The following M6PR variants were observed in gnomAD, a reference collection of about 807,000 sequenced individuals.
M6PR encodes the protein mannose-6-phosphate receptor, cation dependent.
A neutral mutation model predicts 33.1 loss-of-function variants in M6PR; 19 were observed. The ratio of observed to expected loss-of-function variants is 0.57; its 90% confidence interval spans 0.40 to 0.84. The LOEUF is 0.84. Among genes scored for constraint, M6PR ranks in the 40% least tolerant of loss-of-function variants. M6PR has a pLI of 0.00. For missense variants in M6PR, 295 were observed against 336.0 expected (o/e 0.88, Z 0.95); for synonymous variants, 111 against 123.4 (o/e 0.90, Z 0.67).
chr12:8,943,309 T>TAC (rs35591819), intron 5 of M6PR, 96 bp downstream of exon 5: 483,797 of 1,356,132 alleles, frequency 0.36, 91,426 homozygotes, highest in Admixed American at 0.41. Flanking sequence ...CAGCATAATG[T>TAC]ACACATACAA....
intron 1 of M6PR, among the ~76,000 whole-genome samples, chr12:8,948,581 T>C (rs2137176873): frequency 6.6e-6 from 1 of 152,358 alleles, no homozygotes; most frequent in Non-Finnish European, 1.5e-5. Flanking sequence ...ATTCTCAAGG[T>C]ACAAGAGTTT....
Position 8,941,906 on chromosome 12 carries a change from C to T in M6PR, c.746G>A (p.Arg249Gln), listed in dbSNP as rs1215085027. 3.1e-6 allele frequency: 5 copies of T among 1,613,860 alleles called. No homozygotes were observed. Among genetic ancestry groups the T allele is most frequent in the South Asian group, 2.2e-5 (2 of 91,084 alleles). The change falls in exon 7 of 7, where the codon CGA becomes CAA. Residue 249 changes from arginine to glutamine, a missense_variant. Arg to Gln is a conservative substitution (Grantham distance 43). Transcript: ENST00000000412. Reference protein sequence around the residue: ...GCDFVCRSKPRNVPAAYRGVG... With the variant: ...GCDFVCRSKPQNVPAAYRGVG... ...ACCACGATATGCTGCAGGCACATTT[C>T]GAGGTTTAGAACGGCAGACAAAGTC...
intron 1 of M6PR, among the ~76,000 whole-genome samples, chr12:8,948,264 CT>C (rs920524638): frequency 6.6e-6 from 1 of 152,192 alleles, no homozygotes; most frequent in African/African-American, 2.4e-5. Flanking sequence ...AGCTGCTTCT[CT>C]TTAATTCAGT....
At chr12:8,943,983 G>A (rs1482943747) in intron 3 of M6PR, 73 bp from the exon 4 acceptor site, 13 of 928,802 alleles carry the variant, frequency 1.4e-5, no homozygotes, top group Middle Eastern at 2.2e-4. Flanking sequence ...GTATGGCAGA[G>A]TGGAATTGCG....
Position 8,946,232 on chromosome 12 carries a change from T to C in M6PR, c.173A>G (p.Lys58Arg). The change falls in exon 2 of 7, where the codon AAA (lysine) becomes AGA (arginine). Residue 58 changes from lysine (K) to arginine (R), a missense_variant. Transcript: ENST00000000412. ...CTTTAAGGTTCTTCTCATTTACCTTTTATTAAACAGTGGTTTCAGCCTCTT... is the reference window on the plus strand; with the variant it reads ...CTTTAAGGTTCTTCTCATTTACCTTCTATTAAACAGTGGTTTCAGCCTCTT... ...LVKRLKPLFN[K>R]SFESTVGQGS... is the part of the protein sequence containing the mutation. The C allele has an allele frequency of 6.2e-7, 1 of 1,613,344 alleles. No individual in the cohort carries two copies. Among genetic ancestry groups the C allele is most frequent in the Non-Finnish European group, 8.5e-7 (1 of 1,179,574 alleles).
intron 3 of M6PR, 93 bp from the exon 4 acceptor site, chr12:8,944,003 G>T: frequency 1.2e-6 from 1 of 818,740 alleles, no homozygotes; most frequent in Non-Finnish European, 2.1e-6. Context: ...GTAATTCATT[G>T]CAATTGGTTA....
rs989572599 is a variant in M6PR, at chr12:8,941,393, G to A, written c.*425C>T. ...ACTATAGGGTACAGAATAACAACAT[G>A]AAAGCAATCAACCCTGTATAAATAA... On this transcript the variant is annotated 3_prime_UTR_variant, in exon 7 of 7. Transcript: ENST00000000412. 1 of 181,838 alleles carries A rather than the reference G, an allele frequency of 5.5e-6. No individual in the cohort carries two copies. The highest frequency in any genetic ancestry group is 1.2e-5 in the Non-Finnish European group (1 of 85,382). The allele number at this position is 181,838 out of a possible 1,614,324, so 11.3% of individuals were successfully genotyped here.
At chr12:8,942,355 ATGGT>A in intron 6 of M6PR, 57 bp downstream of exon 6, 8 of 1,612,602 alleles carry the variant, frequency 5.0e-6, no homozygotes, top group Non-Finnish European at 6.8e-6. Context: ...ACAAACGAGG[ATGGT>A]TGGTCACCCA....
In M6PR at chr12:8,941,549, G is replaced by A. The variant is rs551454985; in HGVS notation, c.*269C>T. 249 of 334,738 alleles carry A rather than the reference G, an allele frequency of 7.4e-4. No homozygotes were observed. Among genetic ancestry groups the A allele is most frequent in the Non-Finnish European group, 1.1e-3 (209 of 184,174 alleles). 20.7% of individuals were successfully genotyped at this position (334,738 alleles called of 1,614,324 possible). On this transcript the variant is annotated 3_prime_UTR_variant, in exon 7 of 7. Transcript: ENST00000000412. ...CCATATGCCTATTGTAACTTCTGAT[G>A]TCAAGAGACAATGCAAAAGCCTCTG...
intron 1 of M6PR, among the ~76,000 whole-genome samples, chr12:8,947,858 A>G (rs866422473): frequency 3.3e-5 from 5 of 151,312 alleles, no homozygotes; most frequent in Middle Eastern, 3.4e-3. Flanking sequence ...TTCTACTAAG[A>G]AGTGAAGGGG....
At position 8,945,594 on chromosome 12, in the gene M6PR, G is replaced by C. The variant is rs759996881; in HGVS notation, c.177-10C>G. 6.2e-7 allele frequency: 1 copy of C among 1,611,832 alleles called. No homozygotes were observed. The highest frequency in any genetic ancestry group is 8.5e-7 in the Non-Finnish European group (1 of 1,178,568). ...CACAGTGCTCTCAAAGCTGTAAAGA[G>C]AAGTGGGAAGAAAGAAGAGGAGAGT... On this transcript the variant is annotated splice_polypyrimidine_tract_variant and intron_variant, in intron 2 of 6. Transcript: ENST00000000412.
rs143732744 is a variant in M6PR, at chr12:8,941,430, AT to A, written c.*387del. 6.0e-3 allele frequency: 1,076 copies of A among 179,810 alleles called. No individual in the cohort carries two copies. Among genetic ancestry groups the A allele is most frequent in the Middle Eastern group, 0.016 (6 of 370 alleles). The allele number at this position is 179,810 out of a possible 1,614,324, so 11.1% of individuals were successfully genotyped here. A position where few individuals can be genotyped will look rare whatever the true frequency, so the allele number is the denominator to read the frequency against. On this transcript the variant is annotated 3_prime_UTR_variant, in exon 7 of 7. Transcript: ENST00000000412. ...CCCTGTATAAATAATGTTTCTTGGC[AT>A]TTTTTTTTTAATTAAAGAAATCCAG...
chr12:8,942,166 A>C (rs777375948), intron 6 of M6PR: 78 of 687,552 alleles, frequency 1.1e-4, no homozygotes, highest in Non-Finnish European at 1.7e-4. Flanking sequence ...TTAAAAGCTA[A>C]ATCAGATTTA....
chr12:8,942,147 C>T, intron 6 of M6PR: 1 of 687,192 alleles, frequency 1.5e-6, no homozygotes, highest in Non-Finnish European at 2.4e-6. Context: ...TCTTCCCACC[C>T]AGGCCCTCTT....
At chr12:8,948,775 C>A (rs917321790) in intron 1 of M6PR, among the ~76,000 whole-genome samples, 2 of 152,244 alleles carry the variant, frequency 1.3e-5, no homozygotes, top group East Asian at 3.8e-4. Flanking sequence ...GTAGCACTCA[C>A]TTCCCCATCT....
chr12:8,945,297 G>A, intron 3 of M6PR, 121 bp downstream of exon 3: 1 of 983,148 alleles, frequency 1.0e-6, no homozygotes, highest in Non-Finnish European at 1.6e-6. Flanking sequence ...AGTCTCAGGT[G>A]TGCCGAACCA....
At chr12:8,945,255 G>C in intron 3 of M6PR, 163 bp downstream of exon 3, 2 of 663,382 alleles carry the variant, frequency 3.0e-6, no homozygotes, top group Non-Finnish European at 5.3e-6. Context: ...TTACAGAGGA[G>C]CTGTGGAATT....
intron 1 of M6PR, among the ~76,000 whole-genome samples, chr12:8,947,588 T>G (rs1036981109): frequency 6.6e-6 from 1 of 152,204 alleles, no homozygotes; most frequent in Non-Finnish European, 1.5e-5. Context: ...AACAACAGAC[T>G]ACTGCCTTGG....
Position 8,941,613 on chromosome 12 carries a change from T to C in M6PR, c.*205A>G. 1.7e-6 allele frequency: 1 copy of C among 582,232 alleles called. No homozygotes were observed. The highest frequency in any genetic ancestry group is 3.0e-6 in the Non-Finnish European group (1 of 332,896). 36.1% of individuals were successfully genotyped at this position (582,232 alleles called of 1,614,324 possible). The stretch of plus-strand genomic sequence containing the variant: ...TATTATATTAACTCTGACTTACAAC[T>C]GTACCTCTCTAGAGAAAAAACAGAA... On this transcript the variant is annotated 3_prime_UTR_variant, in exon 7 of 7. Transcript: ENST00000000412.
Sources: allele counts gnomAD v4.1 joint callset (sites outside exome capture counted in the v4.1 genomes callset), GRCh38; gene constraint gnomAD v4.1.1; transcripts MANE v1.5; gene names NCBI Gene and HGNC (gene_info 2026-07-23, HGNC 2026-07-21).